The following ABHD5 variants were observed in gnomAD, a reference collection of about 807,000 sequenced individuals.
ABHD5 encodes 1-acylglycerol-3-phosphate O-acyltransferase ABHD5.
Under a neutral mutation model 44.9 loss-of-function variants are expected in ABHD5, and 30 were observed. That is an observed-to-expected ratio of 0.67 (90% confidence interval 0.50 to 0.91). ABHD5 has a LOEUF of 0.91. Ranked by LOEUF, ABHD5 falls within the 40% of genes least tolerant of loss-of-function variation. The pLI is 0.00. For synonymous variants in ABHD5, 167 were observed against 147.0 expected, an observed-to-expected ratio of 1.14 and a Z score of -0.99; for missense variants, 399 against 423.4, an observed-to-expected ratio of 0.94 and a Z score of 0.50.
intron 1 of ABHD5, among the ~76,000 whole-genome samples, chr3:43,696,426 G>T (rs1211844157): frequency 1.3e-5 from 2 of 152,174 alleles, no homozygotes; most frequent in East Asian, 1.9e-4. Flanking sequence ...TGTGTCCTTA[G>T]TTCCAGTCTT....
chr3:43,717,037 G>A (rs1405310396), intron 5 of ABHD5, among the ~76,000 whole-genome samples: 4 of 152,160 alleles, frequency 2.6e-5, no homozygotes, highest in Non-Finnish European at 5.9e-5. Flanking sequence ...TGGGCATGGT[G>A]GTGCGTGCCT....
chr3:43,712,797 G>A (rs561749450), intron 4 of ABHD5, among the ~76,000 whole-genome samples: 18 of 152,028 alleles, frequency 1.2e-4, no homozygotes, highest in South Asian at 4.1e-4. Flanking sequence ...ACAAATCAGC[G>A]CCCTGAGCAA....
chr3:43,705,535 TTTAG>T (rs1269828680), intron 3 of ABHD5, among the ~76,000 whole-genome samples: 7 of 152,378 alleles, frequency 4.6e-5, no homozygotes, highest in South Asian at 2.1e-4. Flanking sequence ...AACCAACAAC[TTTAG>T]TTAGTTTAGA....
chr3:43,702,309 T>C lies in ABHD5; in HGVS notation c.228T>C (p.Thr76=), dbSNP rs377718797. 4 of 1,608,988 alleles carry C rather than the reference T, an allele frequency of 2.5e-6. No homozygotes were observed. The highest frequency in any genetic ancestry group is 1.7e-5 in the Admixed American group (1 of 59,730). Residue 76 remains threonine (T), a synonymous_variant, in exon 3 of 7, where the codon ACT becomes ACC. Coordinates refer to ENST00000644371, the MANE Select transcript of ABHD5 (RefSeq NM_016006.6). ...LKFSHNISNK[T]PLVLLHGFGG... is the part of the protein sequence containing the mutation. ...TCTCTCATAATATTTCAAATAAGAC[T>C]CCACTTGTCCTTCTCCATGGTTTTG...
chr3:43,724,419 A>G (rs984231436), downstream of ABHD5, among the ~76,000 whole-genome samples: 2 of 152,152 alleles, frequency 1.3e-5, no homozygotes, highest in African/African-American at 2.4e-5. Flanking sequence ...GTATATGGCA[A>G]AATTGTTAAG....
In ABHD5 at chr3:43,720,924, A is replaced by G. The variant is rs555617596; in HGVS notation, c.*2392A>G. The G allele has an allele frequency of 6.6e-6, 1 of 152,102 alleles. No individual in the cohort carries two copies. Among genetic ancestry groups the G allele is most frequent in the South Asian group, 2.1e-4 (1 of 4,818 alleles). 9.4% of individuals were successfully genotyped at this position (152,102 alleles called of 1,614,324 possible). A position where few individuals can be genotyped will look rare whatever the true frequency, so the allele number is the denominator to read the frequency against. ...TCTTCTGATTTTCCAAAAAAAAAAA[A>G]GCCTTGCCTAAGGTTGGTTTTAGAA... On this transcript the variant is annotated 3_prime_UTR_variant, in exon 7 of 7. Coordinates refer to ENST00000644371, the MANE Select transcript of ABHD5 (RefSeq NM_016006.6).
rs1024783436 is a variant in ABHD5, at chr3:43,719,814, C to T, written c.*1282C>T. On this transcript the variant is annotated 3_prime_UTR_variant, in exon 7 of 7. Coordinates refer to ENST00000644371, the MANE Select transcript of ABHD5 (RefSeq NM_016006.6). ...GGATTGTCATCAAGAAGGCATCTTT[C>T]GCTAACGTTGCTTGTCTAGGAGAAA... 1.3e-5 allele frequency: 2 copies of T among 152,154 alleles called. No homozygotes were observed. Among genetic ancestry groups the T allele is most frequent in the Admixed American group, 6.5e-5 (1 of 15,276 alleles). 9.4% of individuals were successfully genotyped at this position (152,154 alleles called of 1,614,324 possible).
chr3:43,712,249 T>C (rs1461054526), intron 4 of ABHD5, among the ~76,000 whole-genome samples: 1 of 152,148 alleles, frequency 6.6e-6, no homozygotes, highest in African/African-American at 2.4e-5. Context: ...TGGAGAGCGT[T>C]TGGCCAATTG....
chr3:43,714,920 G>A, intron 4 of ABHD5, 27 bp from the exon 5 acceptor site: 1 of 1,507,662 alleles, frequency 6.6e-7, no homozygotes, highest in Non-Finnish European at 9.2e-7. Flanking sequence ...TTTAAAACAT[G>A]CATTTTTTAA....
At chr3:43,731,288 A>G (rs1432001070) in intron 7 of ABHD5, among the ~76,000 whole-genome samples, 1 of 152,240 alleles carries the variant, frequency 6.6e-6, no homozygotes, top group Non-Finnish European at 1.5e-5. Flanking sequence ...ACATATTGCC[A>G]GAGGAGACAT....
At chr3:43,696,638 A>G (rs574580068) in intron 1 of ABHD5, among the ~76,000 whole-genome samples, 7 of 152,350 alleles carry the variant, frequency 4.6e-5, no homozygotes, top group African/African-American at 1.7e-4. Context: ...AATCAACTAA[A>G]GGGTGGAAAA....
intron 3 of ABHD5, among the ~76,000 whole-genome samples, chr3:43,703,525 C>T (rs1259930590): frequency 1.3e-5 from 2 of 152,162 alleles, no homozygotes; most frequent in African/African-American, 4.8e-5. Flanking sequence ...CATGTTACTA[C>T]TCTGAGAGAG....
intron 5 of ABHD5, among the ~76,000 whole-genome samples, chr3:43,716,558 C>G (rs1440410725): frequency 6.6e-6 from 1 of 152,032 alleles, no homozygotes; most frequent in Non-Finnish European, 1.5e-5. Flanking sequence ...TAGCTGTAGC[C>G]TCAGTCTTTT....
chr3:43,717,194 A>C lies in ABHD5; in HGVS notation c.774-477A>C, dbSNP rs537680559. On this transcript the variant is annotated intron_variant, in intron 5 of 6. Coordinates refer to ENST00000644371, the MANE Select transcript of ABHD5 (RefSeq NM_016006.6). ...CATCTCAAAAAAAACAAAAAAAACA[A>C]AAAAAAAAAATGAATAGCAGAAGTG... Among the ~76,000 whole-genome samples the C allele has an allele frequency of 1.7e-4, 21 of 123,780 alleles. No homozygotes were observed. The East Asian group carries it at 4.5e-3, about 27-fold the overall frequency. The allele number at this position is 123,780 out of a possible 152,430, so 81.2% of individuals were successfully genotyped here. A position where few individuals can be genotyped will look rare whatever the true frequency, so the allele number is the denominator to read the frequency against.
At position 43,720,344 on chromosome 3, in the gene ABHD5, C is replaced by T. The variant is rs969858616; in HGVS notation, c.*1812C>T. 6 of 152,156 alleles carry T rather than the reference C, an allele frequency of 3.9e-5. No individual in the cohort carries two copies. Among genetic ancestry groups the T allele is most frequent in the African/African-American group, 1.4e-4 (6 of 41,492 alleles). 9.4% of individuals were successfully genotyped at this position (152,156 alleles called of 1,614,324 possible). A position where few individuals can be genotyped will look rare whatever the true frequency, so the allele number is the denominator to read the frequency against. ...TTTGCACAGGAAATTTGGTCCCAGCCCTTGGAAGGAAGAAGTTCCTTCGTT... is the reference window on the plus strand; with the variant it reads ...TTTGCACAGGAAATTTGGTCCCAGCTCTTGGAAGGAAGAAGTTCCTTCGTT... On this transcript the variant is annotated 3_prime_UTR_variant, in exon 7 of 7. Transcript: ENST00000644371.
rs2084364546 is a variant in ABHD5 at position 43,691,017 on chromosome 3, G to T, written c.25G>T (p.Asp9Tyr). 6.4e-7 allele frequency: 1 copy of T among 1,565,996 alleles called. No individual in the cohort carries two copies. The highest frequency in any genetic ancestry group is 1.8e-5 in the Admixed American group (1 of 54,600). Residue 9 changes from aspartate (D) to tyrosine (Y), a missense_variant, in exon 1 of 7, where the codon GAC (aspartate) becomes TAC (tyrosine). Physicochemically the swap from Asp to Tyr is radical, Grantham distance 160 (BLOSUM62 -3). Transcript: ENST00000644371. The part of the protein sequence containing the change: MAAEEEEV[D>Y]SADTGERSGW... ...TATGGCGGCGGAGGAGGAGGAGGTGGACTCTGCCGACACCGGAGAGAGGTA... is the reference window on the plus strand; with the variant it reads ...TATGGCGGCGGAGGAGGAGGAGGTGTACTCTGCCGACACCGGAGAGAGGTA...
At chr3:43,726,157 C>G (rs974111872), downstream of ABHD5, among the ~76,000 whole-genome samples, 5 of 152,104 alleles carry the variant, frequency 3.3e-5, no homozygotes, top group Admixed American at 2.6e-4. Context: ...AGCCACCGCA[C>G]CAGGCCTGTT....
At chr3:43,724,292 G>T (rs901061302), downstream of ABHD5, among the ~76,000 whole-genome samples, 4 of 152,150 alleles carry the variant, frequency 2.6e-5, no homozygotes. Context: ...AAAACATGAT[G>T]CAGGAGAGCA....
intron 1 of ABHD5, among the ~76,000 whole-genome samples, chr3:43,692,351 CG>C (rs2084405231): frequency 6.6e-6 from 1 of 152,176 alleles, no homozygotes; most frequent in South Asian, 2.1e-4. Flanking sequence ...CAAGTAGGAA[CG>C]TAATTGGTAG....
Sources: allele counts gnomAD v4.1 joint callset (sites outside exome capture counted in the v4.1 genomes callset), GRCh38; gene constraint gnomAD v4.1.1; transcripts MANE v1.5; gene names NCBI Gene and HGNC (gene_info 2026-07-23, HGNC 2026-07-21).